Variants in PRDX3 observed in about 807,000 individuals in gnomAD.
PRDX3 encodes the protein peroxiredoxin 3.
In PRDX3, 20 loss-of-function variants were observed where a neutral mutation model predicts 30.4. That is an observed-to-expected ratio of 0.66 (90% confidence interval 0.46 to 0.96). PRDX3 has a LOEUF of 0.96. Ranked by LOEUF, PRDX3 falls within the 40% of genes least tolerant of loss-of-function variation. The probability of loss-of-function intolerance (pLI) is 0.00; values close to 1 mark genes in which losing one functional copy is unlikely to be tolerated. For synonymous variants in PRDX3, 124 were observed against 117.8 expected, an observed-to-expected ratio of 1.05 and a Z score of -0.34; for missense variants, 322 against 318.3, an observed-to-expected ratio of 1.01 and a Z score of -0.09.
intron 1 of PRDX3, 101 bp downstream of exon 1, chr10:119,178,654 G>C: frequency 7.1e-7 from 1 of 1,399,578 alleles, no homozygotes; most frequent in Non-Finnish European, 9.9e-7. Context: ...TCCAAGAAGG[G>C]CGAATGGCCC....
Position 119,167,724 on chromosome 10 carries a change from T to C in PRDX3, c.*756A>G, listed in dbSNP as rs911325484. 6.6e-6 allele frequency: 1 copy of C among 152,262 alleles called. No homozygotes were observed. Among genetic ancestry groups the C allele is most frequent in the Admixed American group, 6.5e-5 (1 of 15,290 alleles). The allele number at this position is 152,262 out of a possible 1,614,324, so 9.4% of individuals were successfully genotyped here. The stretch of plus-strand genomic sequence containing the variant: ...TTACTGGTGGTAAAATGCAAATGTT[T>C]TAAAATATGTTTATTTTGTATGTTT... On this transcript the variant is annotated 3_prime_UTR_variant, in exon 7 of 7. Transcript: ENST00000298510.
rs759336561 is a variant in PRDX3 at position 119,174,526 on chromosome 10, T to A, written c.236A>T (p.Asn79Ile). 6.2e-7 allele frequency: 1 copy of A among 1,613,114 alleles called. No individual in the cohort carries two copies. Among genetic ancestry groups the A allele is most frequent in the Non-Finnish European group, 8.5e-7 (1 of 1,179,700 alleles). Reference protein sequence around the residue: ...APYFKGTAVVNGEFKDLSLDD... With the variant: ...APYFKGTAVVIGEFKDLSLDD... ...AAGGCTTAGGTCTTTGAACTCTCCA[T>A]TGACAACGGCTGTACCCTTAAAATA... The change falls in exon 3 of 7, where the codon AAT becomes ATT. Residue 79 changes from asparagine to isoleucine, a missense_variant. Coordinates refer to ENST00000298510, the MANE Select transcript of PRDX3 (RefSeq NM_006793.5).
intron 3 of PRDX3, 36 bp from the exon 4 acceptor site, chr10:119,173,908 T>G: frequency 6.3e-7 from 1 of 1,580,408 alleles, no homozygotes; most frequent in Non-Finnish European, 8.6e-7. Flanking sequence ...ATTAGAGCAT[T>G]TAAAAACAAG....
In PRDX3 at chr10:119,167,720, T is replaced by C. The variant is rs1485860326; in HGVS notation, c.*760A>G. The C allele has an allele frequency of 6.6e-6, 1 of 152,194 alleles. No homozygotes were observed. The highest frequency in any genetic ancestry group is 2.4e-5 in the African/African-American group (1 of 41,456). 9.4% of individuals were successfully genotyped at this position (152,194 alleles called of 1,614,324 possible). On this transcript the variant is annotated 3_prime_UTR_variant, in exon 7 of 7. Transcript: ENST00000298510. ...ACAGTTACTGGTGGTAAAATGCAAA[T>C]GTTTTAAAATATGTTTATTTTGTAT...
At chr10:119,176,905 T>C in intron 2 of PRDX3, 116 bp downstream of exon 2, 2 of 1,303,186 alleles carry the variant, frequency 1.5e-6, no homozygotes, top group South Asian at 1.3e-5. Context: ...CAGTGCTGTG[T>C]TCCTGAAAGC....
At chr10:119,170,187 C>T (rs1211975583) in intron 5 of PRDX3, 1 of 152,146 alleles carries the variant, frequency 6.6e-6, no homozygotes, top group Non-Finnish European at 1.5e-5. Context: ...AACAGTCTGT[C>T]TTAAAAGGAT....
intron 4 of PRDX3, among the ~76,000 whole-genome samples, chr10:119,172,926 T>G (rs867548674): frequency 2.6e-5 from 4 of 151,940 alleles, no homozygotes; most frequent in South Asian, 4.2e-4. Flanking sequence ...TTCTAATTCT[T>G]TATTATTTTA....
intron 3 of PRDX3, 92 bp from the exon 4 acceptor site, chr10:119,173,964 G>C (rs951318456): frequency 7.4e-7 from 1 of 1,356,168 alleles, no homozygotes; most frequent in African/African-American, 1.5e-5. Context: ...CTTGCTAAGG[G>C]TAAAAAAGGC....
intron 2 of PRDX3, 112 bp downstream of exon 2, chr10:119,176,909 T>TGAAA (rs1324978634): frequency 4.4e-6 from 6 of 1,372,158 alleles, no homozygotes; most frequent in Admixed American, 1.9e-5. Flanking sequence ...GCTGTGTTCC[T>TGAAA]GAAAGCTCCC....
At chr10:119,169,553 C>T in intron 5 of PRDX3, 2 of 467,570 alleles carry the variant, frequency 4.3e-6, no homozygotes, top group Non-Finnish European at 7.7e-6. Context: ...TGGACCAGGT[C>T]ACCATAAAAC....
Position 119,176,892 on chromosome 10 carries a change from G to C in PRDX3, c.169+129C>G, listed in dbSNP as rs1352794739. 4.5e-6 allele frequency: 5 copies of C among 1,104,698 alleles called. No homozygotes were observed. In the African/African-American group the frequency reaches 7.7e-5, roughly 17 times the overall value. 68.4% of individuals were successfully genotyped at this position (1,104,698 alleles called of 1,614,324 possible). ...GACTAACTTGTCTGGGGTGGGACGG[G>C]GGCAGTGCTGTGTTCCTGAAAGCTC... On this transcript the variant is annotated intron_variant, in intron 2 of 6. Transcript: ENST00000298510.
chr10:119,177,898 T>TTG (rs57559661), intron 1 of PRDX3, among the ~76,000 whole-genome samples: 1 of 150,568 alleles, frequency 6.6e-6, no homozygotes, highest in African/African-American at 2.4e-5. Flanking sequence ...TTTTTTTTTT[T>TTG]GAAACAGAGT....
At chr10:119,176,623 T>C (rs2133664636) in intron 2 of PRDX3, among the ~76,000 whole-genome samples, 1 of 152,274 alleles carries the variant, frequency 6.6e-6, no homozygotes, top group Admixed American at 6.5e-5. Context: ...GCTGGGGCCA[T>C]TACACAGGTT....
chr10:119,169,086 A>G (rs769265373), intron 6 of PRDX3, 91 bp downstream of exon 6: 83 of 1,421,698 alleles, frequency 5.8e-5, no homozygotes, highest in Admixed American at 7.3e-5. Context: ...GCTTGCTTCA[A>G]GAGTGGGCTC....
rs1848052169 is a variant in PRDX3, at chr10:119,177,167, C to G, written c.37-14G>C. 5 of 1,612,128 alleles carry G rather than the reference C, an allele frequency of 3.1e-6. No individual in the cohort carries two copies. In the East Asian group the frequency reaches 1.1e-4, roughly 36 times the overall value. On this transcript the variant is annotated splice_polypyrimidine_tract_variant and intron_variant, in intron 1 of 6. Coordinates refer to ENST00000298510, the MANE Select transcript of PRDX3 (RefSeq NM_006793.5). ...ATGTCGGGCAACCTGGAAAGAGAAA[C>G]TTTTTATTAGAAAGTTTTCCTGGAC...
chr10:119,173,115 T>G (rs1023172625), intron 4 of PRDX3, among the ~76,000 whole-genome samples: 2 of 151,996 alleles, frequency 1.3e-5, no homozygotes, highest in Non-Finnish European at 2.9e-5. Context: ...ATTTTTTTTA[T>G]TTTTAGTAGA....
Position 119,168,362 on chromosome 10 carries a change from T to C in PRDX3, c.*118A>G, listed in dbSNP as rs1044326879. 10 of 1,537,708 alleles carry C rather than the reference T, an allele frequency of 6.5e-6. No individual in the cohort carries two copies. The highest frequency in any genetic ancestry group is 8.7e-6 in the Non-Finnish European group (10 of 1,149,998). On this transcript the variant is annotated 3_prime_UTR_variant, in exon 7 of 7. Coordinates refer to ENST00000298510, the MANE Select transcript of PRDX3 (RefSeq NM_006793.5). ...AACAAAACATTTAGAGTAATACTTA[T>C]GAATACAAGCATAATTGGTTCCTTG... is the stretch of plus-strand genomic sequence containing the variant.
chr10:119,168,223 G>A lies in PRDX3; in HGVS notation c.*257C>T. The A allele has an allele frequency of 1.8e-6, 1 of 554,620 alleles. No individual in the cohort carries two copies. The highest frequency in any genetic ancestry group is 2.9e-6 in the Non-Finnish European group (1 of 342,114). 34.4% of individuals were successfully genotyped at this position (554,620 alleles called of 1,614,324 possible). On this transcript the variant is annotated 3_prime_UTR_variant, in exon 7 of 7. Transcript: ENST00000298510. Reference sequence around the variant, plus strand: ...CATGATCTAAGAATAGCCTTCTATAGAGGCAAATTATGTTCTGTAGAAACT... The same window carrying A: ...CATGATCTAAGAATAGCCTTCTATAAAGGCAAATTATGTTCTGTAGAAACT...
intron 1 of PRDX3, among the ~76,000 whole-genome samples, chr10:119,177,819 CAAG>C (rs917775172): frequency 6.6e-6 from 1 of 150,950 alleles, no homozygotes; most frequent in African/African-American, 2.4e-5. Flanking sequence ...GACAAGTAAA[CAAG>C]AAGAGCCAAA....
Sources: gnomAD v4.1 joint callset for allele counts (sites outside exome capture counted in the v4.1 genomes callset) on GRCh38, gnomAD v4.1.1 for gene constraint, MANE v1.5 for transcripts, NCBI Gene and HGNC (gene_info 2026-07-23, HGNC 2026-07-21) for gene names.